Variants in AFF2 observed in about 807,000 individuals in gnomAD.
AFF2 encodes AF4/FMR2 family member 2.
Under a neutral mutation model 76.9 loss-of-function variants are expected in AFF2, and 14 were observed. That is an observed-to-expected ratio of 0.18 (90% CI 0.12 to 0.28). AFF2 has a LOEUF of 0.28. AFF2 is among the 10% of genes least tolerant of loss of function. The pLI is 1.00. For synonymous variants in AFF2, 398 were observed against 366.7 expected (o/e 1.09, Z -0.98); for missense variants, 868 against 1,001.1 (o/e 0.87, Z 1.79).
At chrX:148,953,794 C>A (rs1569557619) in intron 10 of AFF2, 55 bp downstream of exon 10, 2 of 902,469 alleles carry the variant, frequency 2.2e-6, no homozygotes, top group Non-Finnish European at 3.2e-6. Flanking sequence ...CAGGCAGCAC[C>A]CTCAACACAC....
intron 7 of AFF2, among the ~76,000 whole-genome samples, chrX:148,858,753 A>G (rs2070813967): frequency 9.0e-6 from 1 of 110,771 alleles, no homozygotes; most frequent in African/African-American, 3.3e-5. Flanking sequence ...ATAAAATAAC[A>G]CCGAAGTACA....
chrX:148,621,478 T>G (rs1394070821), intron 1 of AFF2, among the ~76,000 whole-genome samples: 1 of 111,140 alleles, frequency 9.0e-6, no homozygotes, highest in African/African-American at 3.3e-5. Flanking sequence ...GTGATACATT[T>G]TAATCAAGTT....
In AFF2 at chrX:148,980,797, A is replaced by G. The variant is rs1393328831; in HGVS notation, c.3623+7A>G. 2.5e-6 allele frequency: 3 copies of G among 1,179,096 alleles called. No individual in the cohort carries two copies. The highest frequency in any genetic ancestry group is 3.4e-6 in the Non-Finnish European group (3 of 873,056). On this transcript the variant is annotated splice_region_variant and intron_variant, in intron 19 of 20. Coordinates refer to ENST00000370460, the MANE Select transcript of AFF2 (RefSeq NM_002025.4). ...CATGGGTAAGCAATGGAAAGTAAGT[A>G]TTTTCTGAAAATTGCTTTTTCGTGA...
intron 7 of AFF2, among the ~76,000 whole-genome samples, chrX:148,875,651 G>T (rs1483015835): frequency 9.0e-6 from 1 of 111,676 alleles, no homozygotes; most frequent in East Asian, 2.8e-4. Flanking sequence ...ATATACCTTA[G>T]ATTGAGAGTT....
intron 3 of AFF2, among the ~76,000 whole-genome samples, chrX:148,746,621 C>G (rs1403100723): frequency 3.5e-5 from 4 of 112,861 alleles, no homozygotes; most frequent in African/African-American, 1.3e-4. Context: ...TAGTAAGAAG[C>G]TAAGAACATT....
At chrX:148,589,787 T>A (rs2053505423) in intron 1 of AFF2, among the ~76,000 whole-genome samples, 1 of 110,162 alleles carries the variant, frequency 9.1e-6, no homozygotes, top group South Asian at 4.0e-4. Context: ...TTGCAGAAAG[T>A]AAACTGTGAA....
At chrX:148,567,623 T>C in intron 1 of AFF2, among the ~76,000 whole-genome samples, 1 of 111,278 alleles carries the variant, frequency 9.0e-6, no homozygotes, top group Non-Finnish European at 1.9e-5. Flanking sequence ...TTCAAGGATT[T>C]ACACTAAAAT....
chrX:148,688,825 A>G (rs1452932633), intron 3 of AFF2, among the ~76,000 whole-genome samples: 2 of 111,849 alleles, frequency 1.8e-5, no homozygotes, highest in Non-Finnish European at 3.8e-5. Context: ...TAAATACTAT[A>G]GGCAACTGTA....
intron 3 of AFF2, among the ~76,000 whole-genome samples, chrX:148,719,677 A>G (rs782778487): frequency 9.8e-5 from 11 of 111,840 alleles, no homozygotes; most frequent in Non-Finnish European, 2.1e-4. Flanking sequence ...AACGATAACA[A>G]AACAGCCTAT....
intron 19 of AFF2, among the ~76,000 whole-genome samples, chrX:148,985,204 TC>T (rs1347631822): frequency 9.4e-6 from 1 of 106,790 alleles, no homozygotes; most frequent in Non-Finnish European, 1.9e-5. Flanking sequence ...AGGCTGGTTT[TC>T]GAACTCCTGA....
At chrX:148,657,266 A>T (rs2124463363) in intron 2 of AFF2, among the ~76,000 whole-genome samples, 1 of 112,071 alleles carries the variant, frequency 8.9e-6, no homozygotes, top group Non-Finnish European at 1.9e-5. Context: ...GGTGCTACAC[A>T]AATTCAGGTA....
In AFF2 at chrX:148,922,888, C is replaced by A. The variant is rs375982334; in HGVS notation, c.1397+18630C>A. On this transcript the variant is annotated intron_variant, in intron 9 of 20. Transcript: ENST00000370460. ...GACTCCCATTCCTCTCCCTCCGAGG[C>A]AGCAAAGAGGAGATAACATTCATTA... Among the ~76,000 whole-genome samples, 18 of 112,047 alleles carry A rather than the reference C, an allele frequency of 1.6e-4. No homozygotes were observed. In the East Asian group the frequency reaches 2.2e-3, roughly 14 times the overall value.
At chrX:148,859,917 C>G (rs1234319406) in intron 7 of AFF2, among the ~76,000 whole-genome samples, 3 of 110,662 alleles carry the variant, frequency 2.7e-5, no homozygotes, top group Non-Finnish European at 5.7e-5. Context: ...TTTGCTGCAC[C>G]CATCAGCTCA....
intron 1 of AFF2, among the ~76,000 whole-genome samples, chrX:148,632,961 A>T (rs972786646): frequency 8.9e-6 from 1 of 111,832 alleles, no homozygotes; most frequent in Non-Finnish European, 1.9e-5. Flanking sequence ...ACATGTGGTT[A>T]CCTGAGATTG....
Position 148,980,763 on chromosome X carries a change from T to C in AFF2, c.3596T>C (p.Ile1199Thr), listed in dbSNP as rs782458546. 8.3e-7 allele frequency: 1 copy of C among 1,200,242 alleles called. No homozygotes were observed. Among genetic ancestry groups the C allele is most frequent in the East Asian group, 3.0e-5 (1 of 33,349 alleles). ...FKQNASKVAQ[I>T]PSPWVSNGKN... ...CAAAATGCTTCAAAAGTCGCACAGA[T>C]ACCCTCTCCATGGGTAAGCAATGGA... Residue 1199 changes from isoleucine (I) to threonine (T), a missense_variant, in exon 19 of 21, where the codon ATA becomes ACA. Ile to Thr is a moderately conservative substitution (Grantham distance 89, BLOSUM62 -1). This residue lies in a region of AFF2 where 46 missense variants were observed against 40.8 expected (regional missense o/e 1.13). Coordinates refer to ENST00000370460, the MANE Select transcript of AFF2 (RefSeq NM_002025.4).
chrX:148,863,169 A>G (rs1447384609), intron 7 of AFF2, among the ~76,000 whole-genome samples: 1 of 112,335 alleles, frequency 8.9e-6, no homozygotes. Context: ...AGAGTTTCTC[A>G]TTAATCATTA....
intron 2 of AFF2, 36 bp from the exon 3 acceptor site, chrX:148,661,872 C>G: frequency 8.7e-7 from 1 of 1,150,795 alleles, no homozygotes; most frequent in Non-Finnish European, 1.2e-6. Flanking sequence ...CCTATTCATT[C>G]TCTCTCCTCC....
intron 15 of AFF2, among the ~76,000 whole-genome samples, chrX:148,969,579 A>G (rs2124392694): frequency 8.9e-6 from 1 of 112,348 alleles, no homozygotes; most frequent in African/African-American, 3.2e-5. Flanking sequence ...ATGCAATGGT[A>G]TGTTAAGAGT....
rs369044316 is a variant in AFF2, at chrX:148,652,124, C to T, written c.173C>T (p.Ala58Val). The change falls in exon 2 of 21, where the codon GCT becomes GTT. Residue 58 changes from alanine (A) to valine (V), a missense_variant. Physicochemically the swap from Ala to Val is moderately conservative, Grantham distance 64. Transcript: ENST00000370460. ...FDLFGEPYKV[A>V]EYTNKGDALA... ...CTTTTTGGGGAGCCATACAAGGTAGCTGAATATGTATGTAATTTTTCTTTC... is the reference window on the plus strand; with the variant it reads ...CTTTTTGGGGAGCCATACAAGGTAGTTGAATATGTATGTAATTTTTCTTTC... 1 of 1,190,984 alleles carries T rather than the reference C, an allele frequency of 8.4e-7. No homozygotes were observed. The highest frequency in any genetic ancestry group is 1.8e-5 in the African/African-American group (1 of 56,482).
Sources: gnomAD v4.1 joint callset for allele counts (sites outside exome capture counted in the v4.1 genomes callset) on GRCh38, gnomAD v4.1.1 for gene constraint, gnomAD v4.1.1 regional missense constraint, MANE v1.5 for transcripts, NCBI Gene and HGNC (gene_info 2026-07-23, HGNC 2026-07-21) for gene names.